Variants in TBC1D15 observed in about 807,000 individuals in gnomAD.
TBC1D15 encodes the protein GAP for RAB7.
TBC1D15 carries 39 observed loss-of-function variants against 95.4 expected under a neutral mutation model. That is an observed-to-expected ratio of 0.41 (90% CI 0.32 to 0.53). The LOEUF is 0.53. Ranked by LOEUF, TBC1D15 falls within the 20% of genes least tolerant of loss-of-function variation. The pLI is 0.29. For missense variants in TBC1D15, 733 were observed against 794.3 expected, an observed-to-expected ratio of 0.92 and a Z score of 0.93; for synonymous variants, 258 against 261.3, an observed-to-expected ratio of 0.99 and a Z score of 0.12.
intron 1 of TBC1D15, chr12:71,850,296 A>T (rs1887448103): frequency 8.3e-6 from 4 of 483,140 alleles, no homozygotes. Flanking sequence ...TACTGGGGCT[A>T]TACTGGCTAG....
intron 1 of TBC1D15, among the ~76,000 whole-genome samples, chr12:71,851,576 C>G (rs1887838383): frequency 6.6e-6 from 1 of 152,210 alleles, no homozygotes; most frequent in African/African-American, 2.4e-5. Context: ...TTAGTTACTC[C>G]CAAGATTCAA....
At chr12:71,861,274 G>T in intron 1 of TBC1D15, 1 of 440,122 alleles carries the variant, frequency 2.3e-6, no homozygotes, top group Non-Finnish European at 3.9e-6. Context: ...AGTTTGGGAA[G>T]AATTGACATT....
chr12:71,894,442 G>C (rs1897791186), intron 6 of TBC1D15: 2 of 1,485,814 alleles, frequency 1.3e-6, no homozygotes, highest in South Asian at 2.3e-5. Context: ...TTGTTTATCT[G>C]CAATTCAATC....
chr12:71,900,206 C>T (rs976278056), intron 10 of TBC1D15, among the ~76,000 whole-genome samples: 1 of 151,850 alleles, frequency 6.6e-6, no homozygotes, highest in Admixed American at 6.6e-5. Flanking sequence ...AATGGAATGT[C>T]AAGTAGGTAG....
chr12:71,867,404 C>CT (rs1234761876), intron 1 of TBC1D15, among the ~76,000 whole-genome samples: 1 of 152,170 alleles, frequency 6.6e-6, no homozygotes, highest in African/African-American at 2.4e-5. Context: ...CCTGGCAGTT[C>CT]TTTCCTCAAT....
At chr12:71,849,457 A>G in intron 1 of TBC1D15, 1 of 1,005,372 alleles carries the variant, frequency 9.9e-7, no homozygotes, top group East Asian at 2.4e-5. Context: ...TCAAGGGAAG[A>G]TTCCAAACTC....
At chr12:71,863,343 A>C (rs564105931) in intron 1 of TBC1D15, among the ~76,000 whole-genome samples, 1 of 152,224 alleles carries the variant, frequency 6.6e-6, no homozygotes, top group South Asian at 2.1e-4. Flanking sequence ...GTGCCACTGC[A>C]CTCCAGCCTG....
At chr12:71,883,124 C>A (rs1305518937) in intron 4 of TBC1D15, among the ~76,000 whole-genome samples, 1 of 147,756 alleles carries the variant, frequency 6.8e-6, no homozygotes, top group Non-Finnish European at 1.5e-5. Context: ...GGGTTTCTTT[C>A]TTTTTTTCTT....
At chr12:71,920,297 T>A (rs999425765) in intron 14 of TBC1D15, among the ~76,000 whole-genome samples, 1 of 152,202 alleles carries the variant, frequency 6.6e-6, no homozygotes, top group Non-Finnish European at 1.5e-5. Context: ...GTGTTTCTGA[T>A]TCCATGTACT....
chr12:71,865,261 A>C (rs991227938), intron 1 of TBC1D15, among the ~76,000 whole-genome samples: 5 of 152,146 alleles, frequency 3.3e-5, no homozygotes, highest in African/African-American at 9.7e-5. Flanking sequence ...TATGACACTG[A>C]GTCACTCTCT....
chr12:71,917,777 G>C lies in TBC1D15; in HGVS notation c.1481G>C (p.Ser494Thr). Residue 494 changes from serine (S) to threonine (T), a missense_variant, in exon 13 of 17, where the codon AGT (serine) becomes ACT (threonine). Transcript: ENST00000485960. Reference protein sequence around the residue: ...QLSTLLRLLDSGFCSYLESQD... With the variant: ...QLSTLLRLLDTGFCSYLESQD... ...AGTACCTTACTTCGATTGTTAGACAGTGGATTTTGCAGTTACTTAGGTAAG... is the reference window on the plus strand; with the variant it reads ...AGTACCTTACTTCGATTGTTAGACACTGGATTTTGCAGTTACTTAGGTAAG... 6.2e-7 allele frequency: 1 copy of C among 1,612,576 alleles called. No homozygotes were observed. Among genetic ancestry groups the C allele is most frequent in the Non-Finnish European group, 8.5e-7 (1 of 1,178,930 alleles).
chr12:71,892,707 C>T (rs955504294), intron 5 of TBC1D15, among the ~76,000 whole-genome samples: 1 of 151,630 alleles, frequency 6.6e-6, no homozygotes, highest in Non-Finnish European at 1.5e-5. Flanking sequence ...TGATCTTTAT[C>T]AAATAACTAA....
At chr12:71,840,873 T>G (rs1009771032) in intron 1 of TBC1D15, among the ~76,000 whole-genome samples, 1 of 152,230 alleles carries the variant, frequency 6.6e-6, no homozygotes, top group Non-Finnish European at 1.5e-5. Context: ...CTTGGAAAAT[T>G]GGGCAATTGT....
intron 10 of TBC1D15, among the ~76,000 whole-genome samples, chr12:71,902,051 G>A (rs1389071542): frequency 6.6e-6 from 1 of 152,084 alleles, no homozygotes; most frequent in African/African-American, 2.4e-5. Flanking sequence ...AAAGAACTCT[G>A]CAATGAGAAT....
chr12:71,859,711 G>A (rs1889961430), intron 1 of TBC1D15, among the ~76,000 whole-genome samples: 1 of 151,890 alleles, frequency 6.6e-6, no homozygotes, highest in South Asian at 2.1e-4. Context: ...AGGTTCAAGC[G>A]ATTCTTCTGC....
chr12:71,853,946 C>T (rs773917015), intron 1 of TBC1D15, among the ~76,000 whole-genome samples: 2 of 152,202 alleles, frequency 1.3e-5, no homozygotes, highest in Non-Finnish European at 2.9e-5. Flanking sequence ...GACAAACATG[C>T]ACTGTTCCAT....
At chr12:71,921,787 C>T (rs1869450986) in intron 16 of TBC1D15, among the ~76,000 whole-genome samples, 1 of 152,120 alleles carries the variant, frequency 6.6e-6, no homozygotes, top group South Asian at 2.1e-4. Flanking sequence ...TGCAGAATCT[C>T]TAAACAAAAA....
At chr12:71,912,657 C>T (rs1902678117) in intron 11 of TBC1D15, among the ~76,000 whole-genome samples, 1 of 152,104 alleles carries the variant, frequency 6.6e-6, no homozygotes, top group Admixed American at 6.6e-5. Context: ...GATAGCAGAA[C>T]TATCTCCTCC....
At chr12:71,915,458 A>AAC (rs1903462026) in intron 12 of TBC1D15, among the ~76,000 whole-genome samples, 1 of 151,738 alleles carries the variant, frequency 6.6e-6, no homozygotes, top group Admixed American at 6.6e-5. Context: ...TAAAAAAAAA[A>AAC]AAAAAAACAC....
Sources: allele counts gnomAD v4.1 joint callset (sites outside exome capture counted in the v4.1 genomes callset), GRCh38; gene constraint gnomAD v4.1.1; transcripts MANE v1.5; gene names NCBI Gene and HGNC (gene_info 2026-07-23, HGNC 2026-07-21).